Variants in CSRNP3 observed in about 807,000 individuals in gnomAD.
CSRNP3 encodes the protein cysteine and serine rich nuclear protein 3.
In CSRNP3, 12 loss-of-function variants were observed where a neutral mutation model predicts 48.0. The ratio of observed to expected loss-of-function variants is 0.25; its 90% confidence interval spans 0.16 to 0.41. CSRNP3 has a LOEUF of 0.41. Among genes scored for constraint, CSRNP3 ranks in the 10% least tolerant of loss-of-function variants. CSRNP3 has a pLI of 1.00. For synonymous variants in CSRNP3, 263 were observed against 269.7 expected, an observed-to-expected ratio of 0.98 and a Z score of 0.24; for missense variants, 580 against 724.4, an observed-to-expected ratio of 0.80 and a Z score of 2.29.
intron 3 of CSRNP3, among the ~76,000 whole-genome samples, chr2:165,563,280 A>G (rs1685257169): frequency 6.6e-6 from 1 of 152,106 alleles, no homozygotes; most frequent in African/African-American, 2.4e-5. Context: ...TTGAAAACCT[A>G]ACTTAGGAGT....
chr2:165,660,050 T>C (rs6739319), intron 5 of CSRNP3, among the ~76,000 whole-genome samples: 110,194 of 152,026 alleles, frequency 0.72, 40,246 homozygotes, highest in South Asian at 0.8. Flanking sequence ...TTGTTGTTGT[T>C]TTTTATGCTT....
In CSRNP3 at chr2:165,682,296, G is replaced by A. The variant is rs1687560846; in HGVS notation, c.*2543G>A. 6.6e-6 allele frequency: 1 copy of A among 151,988 alleles called. No homozygotes were observed. The highest frequency in any genetic ancestry group is 1.9e-4 in the East Asian group (1 of 5,170). The allele number at this position is 151,988 out of a possible 1,614,324, so 9.4% of individuals were successfully genotyped here. A position where few individuals can be genotyped will look rare whatever the true frequency, so the allele number is the denominator to read the frequency against. The stretch of plus-strand genomic sequence containing the variant: ...CCTATCCATTTATCTAGGGTAGAAA[G>A]TCACTGCCCTGTGAGAAGAATTACC... On this transcript the variant is annotated 3_prime_UTR_variant, in exon 7 of 7. Coordinates refer to ENST00000651982, the MANE Select transcript of CSRNP3 (RefSeq NM_001172173.2).
chr2:165,599,371 GT>G (rs1685873173), intron 4 of CSRNP3, among the ~76,000 whole-genome samples: 1 of 104,268 alleles, frequency 9.6e-6, no homozygotes, highest in Non-Finnish European at 2.1e-5. Context: ...AAGATCTGAG[GT>G]TTTTTTGTTT....
chr2:165,651,666 T>G (rs1251151289), intron 4 of CSRNP3, among the ~76,000 whole-genome samples: 2 of 151,582 alleles, frequency 1.3e-5, no homozygotes, highest in African/African-American at 4.9e-5. Context: ...GCTTTTTTTT[T>G]TTTTTTTGAG....
At chr2:165,490,423 T>C (rs1684187177) in intron 1 of CSRNP3, among the ~76,000 whole-genome samples, 1 of 135,154 alleles carries the variant, frequency 7.4e-6, no homozygotes, top group Non-Finnish European at 1.6e-5. Flanking sequence ...ACCAATGACT[T>C]TCTTCACAGA....
intron 5 of CSRNP3, among the ~76,000 whole-genome samples, chr2:165,663,608 T>C (rs1212650639): frequency 2.0e-5 from 3 of 152,206 alleles, no homozygotes; most frequent in Non-Finnish European, 4.4e-5. Context: ...ACTAAGCATA[T>C]GTAATCAAAT....
intron 4 of CSRNP3, among the ~76,000 whole-genome samples, chr2:165,598,395 G>T (rs1412524346): frequency 6.6e-6 from 1 of 152,078 alleles, no homozygotes; most frequent in Non-Finnish European, 1.5e-5. Flanking sequence ...GAAACAATTT[G>T]ATTTGTTGAG....
chr2:165,533,776 G>A (rs1329276610), intron 3 of CSRNP3, among the ~76,000 whole-genome samples: 1 of 151,938 alleles, frequency 6.6e-6, no homozygotes, highest in Non-Finnish European at 1.5e-5. Context: ...AAGACAAGTA[G>A]TTTATTTTCT....
At chr2:165,618,843 G>C (rs1011287639) in intron 4 of CSRNP3, among the ~76,000 whole-genome samples, 1 of 152,198 alleles carries the variant, frequency 6.6e-6, no homozygotes, top group Non-Finnish European at 1.5e-5. Flanking sequence ...AGAGGTTGGA[G>C]AAAGTAGTCT....
chr2:165,609,082 G>A (rs915813112), intron 4 of CSRNP3, among the ~76,000 whole-genome samples: 4 of 150,750 alleles, frequency 2.7e-5, no homozygotes, highest in African/African-American at 9.8e-5. Flanking sequence ...ACTCCAGCCT[G>A]GGCGACAGAG....
At chr2:165,671,918 C>T (rs1177662593) in intron 5 of CSRNP3, among the ~76,000 whole-genome samples, 3 of 152,160 alleles carry the variant, frequency 2.0e-5, no homozygotes, top group Non-Finnish European at 4.4e-5. Context: ...GGGAAAAAAT[C>T]CACCAGCCTC....
intron 1 of CSRNP3, among the ~76,000 whole-genome samples, chr2:165,475,011 G>A (rs1369399048): frequency 1.3e-5 from 2 of 152,096 alleles, no homozygotes; most frequent in Admixed American, 1.3e-4. Context: ...GAAACAAATA[G>A]TTTCCTAAAC....
chr2:165,517,064 T>C (rs1181926415), intron 2 of CSRNP3, among the ~76,000 whole-genome samples: 1 of 152,066 alleles, frequency 6.6e-6, no homozygotes. Flanking sequence ...AACAAGCTTC[T>C]CTATCTCATT....
chr2:165,508,664 T>G (rs1433530326), intron 2 of CSRNP3, among the ~76,000 whole-genome samples: 1 of 152,184 alleles, frequency 6.6e-6, no homozygotes, highest in Non-Finnish European at 1.5e-5. Context: ...ATATTTTCTC[T>G]GAGGGTTTTC....
intron 3 of CSRNP3, among the ~76,000 whole-genome samples, chr2:165,557,514 A>G (rs922931909): frequency 2.6e-5 from 4 of 152,226 alleles, no homozygotes; most frequent in Non-Finnish European, 4.4e-5. Context: ...GAATAAAAGC[A>G]TACTTCATCT....
At chr2:165,507,955 C>T (rs1486128800) in intron 2 of CSRNP3, among the ~76,000 whole-genome samples, 1 of 151,964 alleles carries the variant, frequency 6.6e-6, no homozygotes, top group Non-Finnish European at 1.5e-5. Flanking sequence ...TTCTTGTTCT[C>T]CAGGACAAAA....
At chr2:165,601,104 G>A (rs780832706) in intron 4 of CSRNP3, among the ~76,000 whole-genome samples, 3 of 152,168 alleles carry the variant, frequency 2.0e-5, no homozygotes, top group Non-Finnish European at 2.9e-5. Flanking sequence ...CATCAACCAA[G>A]GTCATATCTT....
chr2:165,519,902 T>C (rs1027872031), intron 3 of CSRNP3, among the ~76,000 whole-genome samples: 1 of 152,116 alleles, frequency 6.6e-6, no homozygotes, highest in Non-Finnish European at 1.5e-5. Context: ...CTAATGACTT[T>C]GCACTACATA....
intron 3 of CSRNP3, among the ~76,000 whole-genome samples, chr2:165,580,507 A>T (rs529751820): frequency 3.3e-5 from 5 of 152,272 alleles, no homozygotes; most frequent in African/African-American, 4.8e-5. Flanking sequence ...TTGTAATTTT[A>T]AAAATCTCCT....
Sources: gnomAD v4.1 joint callset for allele counts (sites outside exome capture counted in the v4.1 genomes callset) on GRCh38, gnomAD v4.1.1 for gene constraint, MANE v1.5 for transcripts, NCBI Gene and HGNC (gene_info 2026-07-23, HGNC 2026-07-21) for gene names.